Variants in MAP3K13 observed in about 807,000 individuals in gnomAD.
The protein encoded by MAP3K13 is leucine zipper-bearing kinase.
MAP3K13 carries 52 observed loss-of-function variants against 104.0 expected under a neutral mutation model. The ratio of observed to expected loss-of-function variants is 0.50; its 90% CI spans 0.40 to 0.63. MAP3K13 has a LOEUF of 0.63. Ranked by LOEUF, MAP3K13 falls within the 20% of genes least tolerant of loss-of-function variation. MAP3K13 has a pLI of 0.00. For missense variants in MAP3K13, 914 were observed against 1,218.5 expected, an observed-to-expected ratio of 0.75 and a Z score of 3.72; for synonymous variants, 394 against 442.2, an observed-to-expected ratio of 0.89 and a Z score of 1.37.
intron 1 of MAP3K13, among the ~76,000 whole-genome samples, chr3:185,385,122 C>T (rs538425878): frequency 6.7e-4 from 102 of 151,992 alleles, no homozygotes; most frequent in African/African-American, 2.4e-3. Context: ...TAAGAAAAGC[C>T]CAGGACTGGT....
At chr3:185,431,560 T>C (rs577003470) in intron 2 of MAP3K13, among the ~76,000 whole-genome samples, 1 of 152,290 alleles carries the variant, frequency 6.6e-6, no homozygotes, top group South Asian at 2.1e-4. Flanking sequence ...ATGATTAAAT[T>C]TTTATGAGTT....
chr3:185,465,484 A>T (rs1291160812), intron 8 of MAP3K13, among the ~76,000 whole-genome samples: 2 of 152,172 alleles, frequency 1.3e-5, no homozygotes, highest in African/African-American at 4.8e-5. Context: ...GATAGTGACA[A>T]ATTATAGACA....
At chr3:185,409,000 G>T (rs750895094) in intron 1 of MAP3K13, among the ~76,000 whole-genome samples, 9 of 152,142 alleles carry the variant, frequency 5.9e-5, no homozygotes, top group Non-Finnish European at 1.3e-4. Flanking sequence ...TATATAAAAA[G>T]GTGGACTAGA....
chr3:185,448,644 T>C (rs531153663), intron 5 of MAP3K13, among the ~76,000 whole-genome samples: 28 of 152,356 alleles, frequency 1.8e-4, no homozygotes, highest in Middle Eastern at 6.8e-3. Context: ...ATTCGTAATT[T>C]AGATAATCAT....
At chr3:185,302,155 C>A (rs376140120) in intron 2 of MAP3K13, among the ~76,000 whole-genome samples, 164 of 151,862 alleles carry the variant, frequency 1.1e-3, no homozygotes, top group African/African-American at 3.6e-3. Flanking sequence ...GTAATCCCAG[C>A]ACTTTGGGAG....
intron 1 of MAP3K13, among the ~76,000 whole-genome samples, chr3:185,377,526 A>T (rs144125513): frequency 0.012 from 1,761 of 152,262 alleles, 25 homozygotes; most frequent in African/African-American, 0.038. Flanking sequence ...CTAATAAGGG[A>T]GCTGGGCAGG....
chr3:185,357,309 G>A (rs750585174), intron 2 of MAP3K13, among the ~76,000 whole-genome samples: 6 of 151,878 alleles, frequency 4.0e-5, no homozygotes, highest in Non-Finnish European at 5.9e-5. Context: ...TTAGCTGCAT[G>A]TGGTGGCGGG....
Position 185,295,711 on chromosome 3 carries a change from G to C in MAP3K13, c.-86+10068G>C, listed in dbSNP as rs181806702. Among the ~76,000 whole-genome samples, 6 of 152,016 alleles carry C rather than the reference G, an allele frequency of 3.9e-5. No individual in the cohort carries two copies. In the East Asian group the frequency reaches 1.2e-3, roughly 29 times the overall value. ...ATCACCCATTTTTTTCTCACATCTA[G>C]CATAGTTGTAATTATTTCTCATATA... On this transcript the variant is annotated intron_variant, in intron 2 of 14. Coordinates refer to the MAP3K13 transcript ENST00000424227.
At chr3:185,385,488 T>G (rs1344585562) in intron 1 of MAP3K13, among the ~76,000 whole-genome samples, 1 of 152,046 alleles carries the variant, frequency 6.6e-6, no homozygotes, top group Admixed American at 6.6e-5. Flanking sequence ...CTACCAATCT[T>G]ATAAAGAAGA....
chr3:185,380,123 T>C (rs1577485719), intron 1 of MAP3K13, among the ~76,000 whole-genome samples: 1 of 151,036 alleles, frequency 6.6e-6, no homozygotes, highest in African/African-American at 2.4e-5. Flanking sequence ...GAGGCAGAGG[T>C]TGCAGTGAGC....
At chr3:185,304,782 C>T (rs147094607) in intron 2 of MAP3K13, among the ~76,000 whole-genome samples, 62 of 152,130 alleles carry the variant, frequency 4.1e-4, no homozygotes, top group Middle Eastern at 6.8e-3. Flanking sequence ...TACAGACATG[C>T]GCCACCATGC....
At chr3:185,289,371 G>A (rs1720650190) in intron 2 of MAP3K13, among the ~76,000 whole-genome samples, 1 of 152,038 alleles carries the variant, frequency 6.6e-6, no homozygotes, top group Non-Finnish European at 1.5e-5. Context: ...GTGATTTATT[G>A]TCGATGGGTT....
At chr3:185,374,120 A>G (rs139571725) in intron 1 of MAP3K13, among the ~76,000 whole-genome samples, 267 of 134,838 alleles carry the variant, frequency 2.0e-3, no homozygotes, top group African/African-American at 6.6e-3. Flanking sequence ...GTGGAATGTC[A>G]TCAGTTAAGG....
intron 2 of MAP3K13, chr3:185,293,023 G>A (rs1720797252): frequency 2.0e-6 from 2 of 985,262 alleles, no homozygotes; most frequent in East Asian, 2.3e-4. Flanking sequence ...AAATGTGTGT[G>A]TGTGAACGTG....
intron 2 of MAP3K13, chr3:185,291,785 C>T: frequency 7.2e-7 from 1 of 1,396,810 alleles, no homozygotes; most frequent in South Asian, 1.7e-5. Flanking sequence ...GGGCTAAAAT[C>T]CATTAATACA....
intron 1 of MAP3K13, among the ~76,000 whole-genome samples, chr3:185,400,265 G>T (rs939285903): frequency 1.3e-5 from 2 of 152,154 alleles, no homozygotes; most frequent in African/African-American, 4.8e-5. Context: ...TGCGCACCCT[G>T]CCCCTCTGGA....
intron 5 of MAP3K13, among the ~76,000 whole-genome samples, chr3:185,449,234 G>A (rs370331348): frequency 1.2e-4 from 18 of 152,068 alleles, no homozygotes; most frequent in Non-Finnish European, 1.8e-4. Context: ...TTAGCCAGGC[G>A]TGGTGGCACG....
At chr3:185,340,293 G>A (rs1277423442) in intron 2 of MAP3K13, among the ~76,000 whole-genome samples, 3 of 152,142 alleles carry the variant, frequency 2.0e-5, no homozygotes, top group Admixed American at 6.5e-5. Flanking sequence ...TAAACTATGG[G>A]GTACTTCCCT....
At chr3:185,299,371 A>T (rs1380451952) in intron 2 of MAP3K13, among the ~76,000 whole-genome samples, 1 of 152,246 alleles carries the variant, frequency 6.6e-6, no homozygotes, top group Non-Finnish European at 1.5e-5. Flanking sequence ...AATAACGGGA[A>T]GCCCCAGTCA....
Sources: gnomAD v4.1 joint callset for allele counts (sites outside exome capture counted in the v4.1 genomes callset) on GRCh38, gnomAD v4.1.1 for gene constraint, MANE v1.5 for transcripts, NCBI Gene and HGNC (gene_info 2026-07-23, HGNC 2026-07-21) for gene names.